The following BRF1 variants were observed in gnomAD, a reference collection of about 807,000 sequenced individuals.
BRF1 encodes the protein transcription factor IIIB 90 kDa subunit.
BRF1 carries 59 observed loss-of-function variants against 81.7 expected under a neutral mutation model. That is an observed-to-expected ratio of 0.72 (90% CI 0.59 to 0.90). The LOEUF (loss-of-function observed/expected upper bound fraction) is 0.90. Among genes scored for constraint, BRF1 ranks in the 40% least tolerant of loss-of-function variants. The pLI, the probability that BRF1 is intolerant of heterozygous loss-of-function variation, is 0.00. For missense variants in BRF1, 1,050 were observed against 936.3 expected (o/e 1.12, Z -1.58); for synonymous variants, 491 against 395.6 (o/e 1.24, Z -2.86).
Position 105,228,510 on chromosome 14 carries a change from C to G in BRF1, c.788+310G>C, listed in dbSNP as rs587723462. Among the ~76,000 whole-genome samples the G allele has an allele frequency of 4.0e-3, 606 of 151,242 alleles. 6 individuals are homozygous for G. Among genetic ancestry groups the G allele is most frequent in the Non-Finnish European group, 4.6e-3 (311 of 67,880 alleles). ...AGTGAGCCGAGATCACGCTATTGCA[C>G]TCCAGCCTAAGCGACAGAGCAAGGC... On this transcript the variant is annotated intron_variant, in intron 7 of 17. Coordinates refer to ENST00000547530, the MANE Select transcript of BRF1 (RefSeq NM_001519.4).
At chr14:105,211,747 A>C (rs1345471515) in intron 16 of BRF1, 7 of 379,586 alleles carry the variant, frequency 1.8e-5, no homozygotes, top group Admixed American at 4.1e-5. Flanking sequence ...GTCCCCAACA[A>C]GTGACAGTCC....
intron 2 of BRF1, among the ~76,000 whole-genome samples, chr14:105,283,396 C>T (rs587738309): frequency 6.6e-6 from 1 of 152,226 alleles, no homozygotes; most frequent in Non-Finnish European, 1.5e-5. Flanking sequence ...GGTGGGAACC[C>T]AGGTACAAAG....
intron 15 of BRF1, among the ~76,000 whole-genome samples, chr14:105,214,447 C>T (rs1890699525): frequency 7.2e-6 from 1 of 138,362 alleles, no homozygotes; most frequent in Admixed American, 7.3e-5. Context: ...TGGCCCACCC[C>T]TGCGTGGCTC....
rs1181065195 is a variant in BRF1, at chr14:105,243,466, AAT to A, written c.545-2054_545-2053del. On this transcript the variant is annotated intron_variant, in intron 5 of 17. Transcript: ENST00000547530. Reference sequence around the variant, plus strand: ...AGACTCTGTCTCTTAAAAAAAAAAAAATAAAAATAAAAAATTAGTGGGTGTGG... The same window carrying A: ...AGACTCTGTCTCTTAAAAAAAAAAAAAAAAATAAAAAATTAGTGGGTGTGG... 8.1e-5 allele frequency among the ~76,000 whole-genome samples: 7 copies of A among 86,388 alleles called. 2 individuals carry two copies. Among genetic ancestry groups the A allele is most frequent in the Non-Finnish European group, 1.7e-4 (6 of 36,212 alleles). The allele number at this position is 86,388 out of a possible 152,430, so 56.7% of individuals were successfully genotyped here.
At chr14:105,283,540 C>T (rs978091210) in intron 2 of BRF1, among the ~76,000 whole-genome samples, 4 of 152,226 alleles carry the variant, frequency 2.6e-5, no homozygotes, top group African/African-American at 9.6e-5. Context: ...TTCACTGACA[C>T]TCACCCCTAA....
intron 4 of BRF1, among the ~76,000 whole-genome samples, chr14:105,254,495 G>A (rs1360850001): frequency 6.6e-6 from 1 of 152,124 alleles, no homozygotes; most frequent in Non-Finnish European, 1.5e-5. Flanking sequence ...CAGACCTCCT[G>A]ATCTGCCCGC....
intron 6 of BRF1, 130 bp from the exon 7 acceptor site, chr14:105,229,043 A>G: frequency 1.2e-6 from 1 of 807,728 alleles, no homozygotes; most frequent in Non-Finnish European, 2.1e-6. Flanking sequence ...TGTGCCAGGC[A>G]GTGAGACCCT....
intron 3 of BRF1, among the ~76,000 whole-genome samples, chr14:105,265,147 C>T (rs2056353725): frequency 6.6e-6 from 1 of 150,408 alleles, no homozygotes; most frequent in Admixed American, 6.6e-5. Flanking sequence ...TCACAGCTCA[C>T]TGCAGCCTTG....
chr14:105,249,521 G>C (rs1282063784), intron 5 of BRF1: 1 of 1,607,202 alleles, frequency 6.2e-7, no homozygotes, highest in Admixed American at 1.7e-5. Flanking sequence ...GTCCGTTTTA[G>C]GCGGCCTCCG....
In BRF1 at chr14:105,219,901, T is replaced by TG. The variant is rs34885040; in HGVS notation, c.1377+167dup. 1,317 of 675,136 alleles carry TG rather than the reference T, an allele frequency of 2.0e-3. 1 individual carries two copies. The highest frequency in any genetic ancestry group is 8.1e-3 in the African/African-American group (448 of 55,150). The allele number at this position is 675,136 out of a possible 1,614,324, so 41.8% of individuals were successfully genotyped here. On this transcript the variant is annotated intron_variant, in intron 12 of 17. Coordinates refer to ENST00000547530, the MANE Select transcript of BRF1 (RefSeq NM_001519.4). ...CGAGCCGACACTGGAGAAGAGAGTG[T>TG]GGGGGGGGGTCCCGGGAACAGTGGC...
rs189794996 is a variant in BRF1 at position 105,278,164 on chromosome 14, C to T, written c.266-5270G>A. On this transcript the variant is annotated intron_variant, in intron 2 of 17. Transcript: ENST00000547530. Reference sequence around the variant, plus strand: ...CCAACAAATGAATTCTAAAAGTAAACTCAGGCTGTGTGCCGTGGCTCATGC... The same window carrying T: ...CCAACAAATGAATTCTAAAAGTAAATTCAGGCTGTGTGCCGTGGCTCATGC... Among the ~76,000 whole-genome samples the T allele has an allele frequency of 7.8e-4, 119 of 152,288 alleles. No homozygotes were observed. The Middle Eastern group carries it at 0.017, about 22-fold the overall frequency.
At chr14:105,219,468 G>T in intron 12 of BRF1, 1 of 853,898 alleles carries the variant, frequency 1.2e-6, no homozygotes, top group Non-Finnish European at 1.7e-6. Flanking sequence ...GACCCCCTAG[G>T]GCAGCTTGCA....
At chr14:105,282,776 T>C (rs989829565) in intron 2 of BRF1, among the ~76,000 whole-genome samples, 1 of 151,896 alleles carries the variant, frequency 6.6e-6, no homozygotes, top group East Asian at 1.9e-4. Flanking sequence ...CTACTAAAAA[T>C]ACAAAAATTA....
intron 5 of BRF1, chr14:105,247,370 C>CA: frequency 2.0e-6 from 2 of 985,490 alleles, no homozygotes; most frequent in South Asian, 9.4e-5. Flanking sequence ...GGGGCTCGGG[C>CA]ACCCCATTCC....
chr14:105,242,872 T>C (rs2054794115), intron 5 of BRF1, among the ~76,000 whole-genome samples: 1 of 152,012 alleles, frequency 6.6e-6, no homozygotes, highest in South Asian at 2.1e-4. Flanking sequence ...TCCCAACACT[T>C]TGGGAGATTA....
intron 7 of BRF1, 60 bp from the exon 8 acceptor site, chr14:105,226,820 C>G: frequency 4.3e-6 from 7 of 1,609,458 alleles, no homozygotes; most frequent in Non-Finnish European, 5.1e-6. Flanking sequence ...CTGTTTAAAA[C>G]TGAGCTTTCG....
chr14:105,242,988 C>T (rs1037147193), intron 5 of BRF1, among the ~76,000 whole-genome samples: 3 of 150,784 alleles, frequency 2.0e-5, no homozygotes, highest in Non-Finnish European at 4.4e-5. Flanking sequence ...TGGTGGTGCA[C>T]GCCTGTAATC....
chr14:105,271,737 C>T lies in BRF1; in HGVS notation c.439+984G>A, dbSNP rs2056664913. On this transcript the variant is annotated intron_variant, in intron 3 of 17. Coordinates refer to ENST00000547530, the MANE Select transcript of BRF1 (RefSeq NM_001519.4). This position sits in a 1 kb window ranked among gnomAD's most constrained non-coding sequence, Gnocchi z 5.5. ...GACCCATGTGTGTGTCTGCAGATGG[C>T]AGCAGTGGGCACAGGACCAGATGCA... Among the ~76,000 whole-genome samples the T allele has an allele frequency of 6.6e-6, 1 of 152,218 alleles. No homozygotes were observed. Among genetic ancestry groups the T allele is most frequent in the African/African-American group, 2.4e-5 (1 of 41,466 alleles).
chr14:105,244,748 A>G (rs943475039), intron 5 of BRF1, among the ~76,000 whole-genome samples: 1 of 152,116 alleles, frequency 6.6e-6, no homozygotes, highest in East Asian at 1.9e-4. Flanking sequence ...TTAGGAAAAA[A>G]AAGACTAAGG....
Sources: allele counts gnomAD v4.1 joint callset (sites outside exome capture counted in the v4.1 genomes callset), GRCh38; gene constraint gnomAD v4.1.1; non-coding constraint Gnocchi (gnomAD v3.1); transcripts MANE v1.5; gene names NCBI Gene and HGNC (gene_info 2026-07-23, HGNC 2026-07-21).